CAB39L: variants seen among roughly 807,000 people sequenced by gnomAD.
CAB39L encodes the protein calcium binding protein 39 like.
Under a neutral mutation model 39.1 loss-of-function variants are expected in CAB39L, and 23 were observed. That is an observed-to-expected ratio of 0.59 (90% confidence interval 0.42 to 0.83). CAB39L has a LOEUF of 0.83. Ranked by LOEUF, CAB39L falls within the 40% of genes least tolerant of loss-of-function variation. The probability of loss-of-function intolerance (pLI) is 0.00; values close to 1 mark genes in which losing one functional copy is unlikely to be tolerated. For missense variants in CAB39L, 366 were observed against 391.9 expected (o/e 0.93, Z 0.56); for synonymous variants, 126 against 137.2 (o/e 0.92, Z 0.57).
At chr13:49,418,082 T>C (rs1306575560) in intron 3 of CAB39L, among the ~76,000 whole-genome samples, 2 of 151,756 alleles carry the variant, frequency 1.3e-5, no homozygotes, top group Non-Finnish European at 2.9e-5. Context: ...CATACACCCA[T>C]ACAAAAACTT....
chr13:49,365,646 C>T (rs1955749741), intron 5 of CAB39L, among the ~76,000 whole-genome samples: 1 of 152,176 alleles, frequency 6.6e-6, no homozygotes, highest in African/African-American at 2.4e-5. Flanking sequence ...CAGGTAACAA[C>T]TATTGCTGGT....
intron 3 of CAB39L, among the ~76,000 whole-genome samples, chr13:49,393,253 T>A (rs1305924128): frequency 2.6e-5 from 4 of 152,016 alleles, no homozygotes; most frequent in Non-Finnish European, 4.4e-5. Context: ...ATATAAGAAA[T>A]TGCCAGTCAG....
At chr13:49,368,078 T>C (rs1378359055) in intron 5 of CAB39L, among the ~76,000 whole-genome samples, 1 of 152,248 alleles carries the variant, frequency 6.6e-6, no homozygotes, top group East Asian at 1.9e-4. Flanking sequence ...TTCTAGACCC[T>C]GCAGTGTAAT....
intron 3 of CAB39L, among the ~76,000 whole-genome samples, chr13:49,394,067 T>C (rs1383243062): frequency 6.6e-6 from 1 of 151,798 alleles, no homozygotes; most frequent in Non-Finnish European, 1.5e-5. Flanking sequence ...TCAAAGTTAA[T>C]ACGAATATGC....
intron 3 of CAB39L, among the ~76,000 whole-genome samples, chr13:49,394,715 C>A (rs1223206279): frequency 1.3e-5 from 2 of 152,002 alleles, no homozygotes; most frequent in Admixed American, 1.3e-4. Context: ...AAACTTTTTA[C>A]AATTATTTTA....
chr13:49,327,226 G>T (rs138645500), intron 10 of CAB39L, among the ~76,000 whole-genome samples: 8 of 151,710 alleles, frequency 5.3e-5, no homozygotes, highest in African/African-American at 1.9e-4. Context: ...GTATGATATC[G>T]CTTATTCTCT....
chr13:49,375,179 A>G (rs566870528), intron 5 of CAB39L, among the ~76,000 whole-genome samples: 1 of 152,262 alleles, frequency 6.6e-6, no homozygotes, highest in East Asian at 1.9e-4. Context: ...ATATATGTAT[A>G]TATTTTTATT....
intron 9 of CAB39L, among the ~76,000 whole-genome samples, chr13:49,335,908 C>T (rs1421263396): frequency 6.6e-6 from 1 of 152,014 alleles, no homozygotes; most frequent in Non-Finnish European, 1.5e-5. Context: ...CAGAAAATAG[C>T]CTAGTACTTA....
intron 10 of CAB39L, among the ~76,000 whole-genome samples, chr13:49,317,905 C>A (rs1954208728): frequency 1.3e-5 from 2 of 152,070 alleles, no homozygotes; most frequent in South Asian, 4.1e-4. Flanking sequence ...AGAACTCTTA[C>A]AACTTAACAA....
intron 3 of CAB39L, among the ~76,000 whole-genome samples, chr13:49,389,269 C>A (rs535307925): frequency 6.6e-6 from 1 of 152,132 alleles, no homozygotes; most frequent in Non-Finnish European, 1.5e-5. Context: ...TCTGCACTTC[C>A]GTATTCATTG....
chr13:49,379,834 A>G lies in CAB39L; in HGVS notation c.112-2703T>C, dbSNP rs967294146. Among the ~76,000 whole-genome samples the G allele has an allele frequency of 8.6e-5, 13 of 151,504 alleles. No homozygotes were observed. In the East Asian group the frequency reaches 2.5e-3, roughly 29 times the overall value. Reference sequence around the variant, plus strand: ...TGGTATTTCTACTTAGTCAACATACACTAAATAATCTTTTTTTTTTTTTTT... The same window carrying G: ...TGGTATTTCTACTTAGTCAACATACGCTAAATAATCTTTTTTTTTTTTTTT... On this transcript the variant is annotated intron_variant, in intron 4 of 10. Transcript: ENST00000409308.
intron 5 of CAB39L, 76 bp downstream of exon 5, chr13:49,376,891 G>GTGGATAGATAGATAGATAGATAGA (rs1956075764): frequency 3.8e-6 from 3 of 787,254 alleles, no homozygotes; most frequent in Non-Finnish European, 5.8e-6. Context: ...AAGTTGAATA[G>GTGGATAGATAGATAGATAGATAGA]TAGATAGATA....
At chr13:49,373,570 T>G (rs1028402518) in intron 5 of CAB39L, among the ~76,000 whole-genome samples, 16 of 152,342 alleles carry the variant, frequency 1.1e-4, no homozygotes, top group African/African-American at 3.1e-4. Context: ...CCCAAAGAGT[T>G]TGAATTATCT....
intron 6 of CAB39L, among the ~76,000 whole-genome samples, chr13:49,353,802 C>A (rs563469417): frequency 6.6e-6 from 1 of 152,014 alleles, no homozygotes; most frequent in African/African-American, 2.4e-5. Flanking sequence ...CTGTTACCTT[C>A]TCCTCTCCTC....
chr13:49,396,365 G>A, intron 3 of CAB39L, among the ~76,000 whole-genome samples: 1 of 151,912 alleles, frequency 6.6e-6, no homozygotes, highest in Non-Finnish European at 1.5e-5. Context: ...TAAGGCACAG[G>A]CACCTTCTGT....
chr13:49,377,222 G>C, intron 4 of CAB39L, 91 bp from the exon 5 acceptor site: 1 of 1,020,666 alleles, frequency 9.8e-7, no homozygotes, highest in Non-Finnish European at 1.4e-6. Flanking sequence ...CCACTTCTTG[G>C]TCTTGGGCTC....
chr13:49,365,390 G>C (rs185097964), intron 5 of CAB39L, among the ~76,000 whole-genome samples: 10 of 152,290 alleles, frequency 6.6e-5, no homozygotes, highest in African/African-American at 2.4e-4. Flanking sequence ...ATTGGTCTGG[G>C]CAGAAACTTC....
chr13:49,315,230 G>A (rs968659620), intron 10 of CAB39L, among the ~76,000 whole-genome samples: 3 of 152,166 alleles, frequency 2.0e-5, no homozygotes, highest in African/African-American at 7.2e-5. Context: ...AACACTGCAC[G>A]TCCCTGTGGT....
At chr13:49,357,059 A>AG (rs1955506892) in intron 6 of CAB39L, among the ~76,000 whole-genome samples, 2 of 151,796 alleles carry the variant, frequency 1.3e-5, no homozygotes, top group South Asian at 2.1e-4. Flanking sequence ...AAAAAAAAAA[A>AG]AAAAGAAAAT....
Sources: allele counts gnomAD v4.1 joint callset (sites outside exome capture counted in the v4.1 genomes callset), GRCh38; gene constraint gnomAD v4.1.1; transcripts MANE v1.5; gene names NCBI Gene and HGNC (gene_info 2026-07-23, HGNC 2026-07-21).